MGAT5: variants seen among roughly 807,000 people sequenced by gnomAD.
The protein encoded by MGAT5 is alpha-1,6-mannosylglycoprotein 6-beta-N-acetylglucosaminyltransferase, also known as alpha-1,6-mannosylglycoprotein 6-beta-N-acetylglucosaminyltransferase A.
MGAT5 carries 30 observed loss-of-function variants against 94.3 expected under a neutral mutation model. That is an observed-to-expected ratio of 0.32 (90% CI 0.24 to 0.43). The LOEUF (loss-of-function observed/expected upper bound fraction) is 0.43. Among genes scored for constraint, MGAT5 ranks in the 20% least tolerant of loss-of-function variants. The pLI is 1.00. For synonymous variants in MGAT5, 310 were observed against 322.9 expected (o/e 0.96, Z 0.43); for missense variants, 691 against 905.5 (o/e 0.76, Z 3.04).
At chr2:134,217,238 G>GTGTGTGTGTGTGTGTGT (rs1553495170) in intron 1 of MGAT5, among the ~76,000 whole-genome samples, 18 of 145,222 alleles carry the variant, frequency 1.2e-4, no homozygotes, top group African/African-American at 4.4e-4. Flanking sequence ...GAGAGAGAGT[G>GTGTGTGTGTGTGTGTGT]GTGTGTGTGT....
At chr2:134,244,143 T>C (rs1397064266) in intron 1 of MGAT5, among the ~76,000 whole-genome samples, 1 of 152,180 alleles carries the variant, frequency 6.6e-6, no homozygotes, top group Non-Finnish European at 1.5e-5. Context: ...CTTTTGAGTA[T>C]TTTCATTCAA....
chr2:134,120,947 C>T (rs1685548104), intron 1 of MGAT5, among the ~76,000 whole-genome samples: 1 of 152,126 alleles, frequency 6.6e-6, no homozygotes, highest in South Asian at 2.1e-4. Context: ...AGCCCTGCTG[C>T]CGGGTCTGGG....
chr2:134,431,133 A>G lies in MGAT5; in HGVS notation c.1869+2694A>G, dbSNP rs1391638686. On this transcript the variant is annotated intron_variant, in intron 14 of 15. Transcript: ENST00000281923. ...GGGAATGATAGGCACTTGACTGAAG[A>G]GAGGGATGAGGTAAGAGACCAGGCT... Among the ~76,000 whole-genome samples, 6 of 152,138 alleles carry G rather than the reference A, an allele frequency of 3.9e-5. No homozygotes were observed. In the East Asian group the frequency reaches 9.6e-4, roughly 24 times the overall value.
chr2:134,169,417 C>CAG (rs1298060528), intron 1 of MGAT5, among the ~76,000 whole-genome samples: 18 of 128,678 alleles, frequency 1.4e-4, no homozygotes, highest in African/African-American at 3.8e-4. Context: ...CACACAGACA[C>CAG]ACACACACAC....
chr2:134,307,900 G>T (rs935755494), intron 2 of MGAT5, among the ~76,000 whole-genome samples: 26 of 152,238 alleles, frequency 1.7e-4, no homozygotes, highest in African/African-American at 6.0e-4. Flanking sequence ...ATTAAAAAAG[G>T]GGGTAGCAGA....
At chr2:134,369,330 T>C (rs1375727342) in intron 10 of MGAT5, among the ~76,000 whole-genome samples, 2 of 152,166 alleles carry the variant, frequency 1.3e-5, no homozygotes, top group African/African-American at 2.4e-5. Context: ...ACAGACCACA[T>C]AGAGGCTTCA....
chr2:134,154,188 C>T lies in MGAT5; in HGVS notation c.-143+33897C>T, dbSNP rs541239200. ...GTAATGAGGAGGAATTTGGGAGAAA[C>T]GAATATGGGTCAGGGAACGGATGGC... On this transcript the variant is annotated intron_variant, in intron 1 of 16. Coordinates refer to the MGAT5 transcript ENST00000409645. Among the ~76,000 whole-genome samples, 10 of 152,166 alleles carry T rather than the reference C, an allele frequency of 6.6e-5. No individual in the cohort carries two copies. In the South Asian group the frequency reaches 1.9e-3, roughly 28 times the overall value.
In MGAT5 at chr2:134,373,110, A is replaced by AT. The variant is rs143778414; in HGVS notation, c.1380+10703dup. On this transcript the variant is annotated intron_variant, in intron 10 of 15. Coordinates refer to ENST00000281923, the MANE Select transcript of MGAT5 (RefSeq NM_002410.5). ...TCCAACCCTAACAGTTTGGCAGCCG[A>AT]TATGGGAGCTGCGGTGTTGAGGGAT... Among the ~76,000 whole-genome samples, 451 of 152,332 alleles carry AT rather than the reference A, an allele frequency of 3.0e-3. 7 individuals carry two copies. Among genetic ancestry groups the AT allele is most frequent in the African/African-American group, 9.9e-3 (411 of 41,582 alleles).
intron 11 of MGAT5, 108 bp from the exon 12 acceptor site, chr2:134,412,761 C>G (rs898738281): frequency 2.7e-5 from 37 of 1,390,486 alleles, no homozygotes; most frequent in Non-Finnish European, 3.3e-5. Context: ...AGTGAGGTGT[C>G]CACACGGGAA....
At chr2:134,120,383 G>T in intron 1 of MGAT5, 1 of 368,950 alleles carries the variant, frequency 2.7e-6, no homozygotes, top group Admixed American at 4.6e-5. Flanking sequence ...GGGGCACGGG[G>T]AACCAGGCGC....
intron 1 of MGAT5, among the ~76,000 whole-genome samples, chr2:134,128,371 G>A (rs1237814121): frequency 2.0e-5 from 3 of 152,184 alleles, no homozygotes; most frequent in Non-Finnish European, 4.4e-5. Flanking sequence ...AAAGGATTTT[G>A]TTACTATGGC....
At chr2:134,279,723 G>A (rs1276071265) in intron 2 of MGAT5, among the ~76,000 whole-genome samples, 1 of 152,156 alleles carries the variant, frequency 6.6e-6, no homozygotes, top group Admixed American at 6.5e-5. Flanking sequence ...GTTTTAATCA[G>A]AAGGTGACAG....
intron 1 of MGAT5, among the ~76,000 whole-genome samples, chr2:134,200,464 T>TA (rs746143394): frequency 6.6e-6 from 1 of 152,228 alleles, no homozygotes; most frequent in Non-Finnish European, 1.5e-5. Context: ...TTAATGGTGT[T>TA]ACAAGTCTCT....
chr2:134,413,152 C>A, intron 12 of MGAT5, 137 bp downstream of exon 12: 1 of 955,136 alleles, frequency 1.0e-6, no homozygotes, highest in Non-Finnish European at 1.6e-6. Context: ...AGGCAAATGA[C>A]CTGATCACAT....
At chr2:134,309,136 G>A (rs571690269) in intron 2 of MGAT5, among the ~76,000 whole-genome samples, 1 of 152,310 alleles carries the variant, frequency 6.6e-6, no homozygotes, top group East Asian at 1.9e-4. Context: ...AGGTTCATCT[G>A]TGAAGCATGG....
chr2:134,206,019 A>G (rs1487310435), intron 1 of MGAT5, among the ~76,000 whole-genome samples: 1 of 152,226 alleles, frequency 6.6e-6, no homozygotes, highest in African/African-American at 2.4e-5. Flanking sequence ...GGCTGTTCCT[A>G]ATTGAGGAAT....
upstream of MGAT5, among the ~76,000 whole-genome samples, chr2:134,252,397 T>C (rs1682660533): frequency 6.6e-6 from 1 of 152,204 alleles, no homozygotes; most frequent in Non-Finnish European, 1.5e-5. Flanking sequence ...AGACAGAGGT[T>C]GAGCCTCATT....
intron 2 of MGAT5, among the ~76,000 whole-genome samples, chr2:134,305,279 T>C (rs573010841): frequency 8.0e-4 from 122 of 152,312 alleles, no homozygotes; most frequent in African/African-American, 2.8e-3. Flanking sequence ...CTTGATCTCC[T>C]GTTAAGAGAA....
Position 134,388,456 on chromosome 2 carries a change from T to C in MGAT5, c.1381-14532T>C, listed in dbSNP as rs146140083. Among the ~76,000 whole-genome samples the C allele has an allele frequency of 4.2e-3, 644 of 152,234 alleles. 4 individuals are homozygous for C. The highest frequency in any genetic ancestry group is 0.014 in the African/African-American group (591 of 41,562). On this transcript the variant is annotated intron_variant, in intron 10 of 15. Coordinates refer to ENST00000281923, the MANE Select transcript of MGAT5 (RefSeq NM_002410.5). Reference sequence around the variant, plus strand: ...GATCTTTAAAAAAAAAACCCACTGCTATTACACCTGAAAATAATTAACAGT... The same window carrying C: ...GATCTTTAAAAAAAAAACCCACTGCCATTACACCTGAAAATAATTAACAGT...
Sources: gnomAD v4.1 joint callset for allele counts (sites outside exome capture counted in the v4.1 genomes callset) on GRCh38, gnomAD v4.1.1 for gene constraint, MANE v1.5 for transcripts, NCBI Gene and HGNC (gene_info 2026-07-23, HGNC 2026-07-21) for gene names.